The following CFAP299 variants were observed in gnomAD, a reference collection of about 807,000 sequenced individuals.
CFAP299 encodes the protein cilia and flagella associated protein 299.
Under a neutral mutation model 27.0 loss-of-function variants are expected in CFAP299, and 21 were observed. The observed-to-expected ratio is 0.78, with a 90% confidence interval of 0.55 to 1.12. The LOEUF is 1.12. Among genes scored for constraint, CFAP299 ranks in the 50% most tolerant of loss-of-function variants. The probability of loss-of-function intolerance (pLI) is 0.00; values close to 1 mark genes in which losing one functional copy is unlikely to be tolerated. For synonymous variants in CFAP299, 104 were observed against 98.1 expected, an observed-to-expected ratio of 1.06 and a Z score of -0.36; for missense variants, 310 against 276.6, an observed-to-expected ratio of 1.12 and a Z score of -0.86.
At position 80,390,975 on chromosome 4, in the gene CFAP299, G is replaced by A. The variant is rs945937853; in HGVS notation, c.242+28091G>A. Among the ~76,000 whole-genome samples the A allele has an allele frequency of 5.2e-4, 52 of 100,250 alleles. 2 individuals carry two copies. The highest frequency in any genetic ancestry group is 1.6e-3 in the African/African-American group (44 of 26,910). The allele number at this position is 100,250 out of a possible 152,430, so 65.8% of individuals were successfully genotyped here. ...CACATGTATATATGTATATATGTAT[G>A]TACACACATGTATATATGTATATAT... On this transcript the variant is annotated intron_variant, in intron 2 of 5. Transcript: ENST00000358105.
At chr4:80,580,072 A>C (rs1307022665) in intron 2 of CFAP299, among the ~76,000 whole-genome samples, 1 of 152,134 alleles carries the variant, frequency 6.6e-6, no homozygotes, top group Non-Finnish European at 1.5e-5. Flanking sequence ...TATTGTGAGC[A>C]ACAGAAACCA....
chr4:80,518,159 T>A (rs1307751242), intron 2 of CFAP299, among the ~76,000 whole-genome samples: 1 of 152,064 alleles, frequency 6.6e-6, no homozygotes, highest in Non-Finnish European at 1.5e-5. Context: ...TTAAGATTAT[T>A]CATATGGACT....
At chr4:80,917,639 T>G (rs1045998789) in intron 4 of CFAP299, among the ~76,000 whole-genome samples, 9 of 152,142 alleles carry the variant, frequency 5.9e-5, no homozygotes, top group African/African-American at 2.2e-4. Flanking sequence ...CCACCAGCAG[T>G]TGCCAGGTTA....
intron 3 of CFAP299, among the ~76,000 whole-genome samples, chr4:80,605,665 T>G (rs1279945263): frequency 3.9e-5 from 6 of 152,196 alleles, no homozygotes; most frequent in Admixed American, 3.9e-4. Context: ...AATAAAATAT[T>G]TGTATGTCTC....
At chr4:80,408,310 C>G (rs1726534605) in intron 2 of CFAP299, among the ~76,000 whole-genome samples, 1 of 152,196 alleles carries the variant, frequency 6.6e-6, no homozygotes, top group Non-Finnish European at 1.5e-5. Context: ...TGCCATTCAA[C>G]TATTTTAAAA....
intron 2 of CFAP299, among the ~76,000 whole-genome samples, chr4:80,421,038 TC>T (rs1268645796): frequency 2.6e-5 from 4 of 152,196 alleles, no homozygotes; most frequent in Non-Finnish European, 5.9e-5. Flanking sequence ...TCTGGTTTGT[TC>T]TTTCCACCAA....
intron 2 of CFAP299, among the ~76,000 whole-genome samples, chr4:80,400,660 G>A (rs1726105579): frequency 6.6e-6 from 1 of 152,090 alleles, no homozygotes; most frequent in Admixed American, 6.6e-5. Flanking sequence ...CCAGTCTCAG[G>A]TATGTCTCTA....
intron 5 of CFAP299, among the ~76,000 whole-genome samples, chr4:80,961,295 T>C (rs1046409856): frequency 1.3e-5 from 2 of 151,764 alleles, no homozygotes; most frequent in Admixed American, 1.3e-4. Context: ...TGATAAATCA[T>C]AGAATATAGC....
At chr4:80,738,075 A>G (rs532400928) in intron 3 of CFAP299, among the ~76,000 whole-genome samples, 9 of 152,120 alleles carry the variant, frequency 5.9e-5, no homozygotes, top group Non-Finnish European at 1.0e-4. Flanking sequence ...GTTTTATTCC[A>G]TTGTGGTTAG....
intron 3 of CFAP299, among the ~76,000 whole-genome samples, chr4:80,696,111 C>T (rs1431875429): frequency 6.6e-6 from 1 of 151,924 alleles, no homozygotes; most frequent in African/African-American, 2.4e-5. Flanking sequence ...ACCAGCCTGG[C>T]TAGCTTGGTG....
intron 2 of CFAP299, among the ~76,000 whole-genome samples, chr4:80,496,658 G>A (rs1049673350): frequency 3.3e-5 from 5 of 151,970 alleles, no homozygotes; most frequent in African/African-American, 9.7e-5. Flanking sequence ...TAATATCTTC[G>A]TGGTAATGCC....
chr4:80,765,863 A>C (rs1725833424), intron 3 of CFAP299, among the ~76,000 whole-genome samples: 1 of 152,170 alleles, frequency 6.6e-6, no homozygotes, highest in African/African-American at 2.4e-5. Context: ...GAATTCAATA[A>C]ATTACCTAGA....
intron 3 of CFAP299, among the ~76,000 whole-genome samples, chr4:80,642,589 C>T (rs1241957303): frequency 6.6e-6 from 1 of 151,834 alleles, no homozygotes; most frequent in Admixed American, 6.6e-5. Flanking sequence ...CATGTTGAAA[C>T]CCCAACTCTA....
At chr4:80,593,128 A>G (rs996377859) in intron 3 of CFAP299, among the ~76,000 whole-genome samples, 1 of 152,142 alleles carries the variant, frequency 6.6e-6, no homozygotes, top group African/African-American at 2.4e-5. Context: ...CTGTGTATAT[A>G]TTGGCAGGTG....
chr4:80,744,871 T>A (rs1043054051), intron 3 of CFAP299, among the ~76,000 whole-genome samples: 6 of 152,130 alleles, frequency 3.9e-5, no homozygotes, highest in African/African-American at 1.4e-4. Flanking sequence ...CTTGGCCACC[T>A]TATATATATG....
intron 2 of CFAP299, among the ~76,000 whole-genome samples, chr4:80,451,327 C>T (rs555637827): frequency 9.9e-5 from 15 of 152,166 alleles, no homozygotes; most frequent in Non-Finnish European, 1.9e-4. Context: ...CCCACCCTTA[C>T]AACTTTATTT....
At chr4:80,426,897 A>G (rs1237524229) in intron 2 of CFAP299, among the ~76,000 whole-genome samples, 1 of 152,218 alleles carries the variant, frequency 6.6e-6, no homozygotes, top group Non-Finnish European at 1.5e-5. Flanking sequence ...GTGTGTGAGT[A>G]TAAAACGATT....
chr4:80,819,637 A>C (rs986337128), intron 3 of CFAP299, among the ~76,000 whole-genome samples: 1 of 152,190 alleles, frequency 6.6e-6, no homozygotes, highest in Non-Finnish European at 1.5e-5. Context: ...TTAGGCTAAA[A>C]TAACGATCTC....
intron 2 of CFAP299, among the ~76,000 whole-genome samples, chr4:80,469,558 A>C (rs761028344): frequency 2.0e-5 from 3 of 152,178 alleles, no homozygotes; most frequent in Non-Finnish European, 4.4e-5. Flanking sequence ...AAAACTAACA[A>C]TATATAGAAG....
Sources: allele counts gnomAD v4.1 joint callset (sites outside exome capture counted in the v4.1 genomes callset), GRCh38; gene constraint gnomAD v4.1.1; transcripts MANE v1.5; gene names NCBI Gene and HGNC (gene_info 2026-07-23, HGNC 2026-07-21).